The following BPTF variants were observed in gnomAD, a reference collection of about 807,000 sequenced individuals.
BPTF encodes bromodomain PHD finger transcription factor.
Under a neutral mutation model 292.5 loss-of-function variants are expected in BPTF, and 18 were observed. The observed-to-expected ratio is 0.06, with a 90% CI of 0.04 to 0.09. The LOEUF is 0.09. Among genes scored for constraint, BPTF ranks in the 10% least tolerant of loss-of-function variants. The probability of loss-of-function intolerance (pLI) is 1.00; values close to 1 mark genes in which losing one functional copy is unlikely to be tolerated. For synonymous variants in BPTF, 1,225 were observed against 1,251.9 expected, an observed-to-expected ratio of 0.98 and a Z score of 0.45; for missense variants, 2,726 against 3,498.7, an observed-to-expected ratio of 0.78 and a Z score of 5.57.
chr17:67,864,206 T>C (rs2059255219), intron 2 of BPTF, among the ~76,000 whole-genome samples: 1 of 152,220 alleles, frequency 6.6e-6, no homozygotes, highest in African/African-American at 2.4e-5. Flanking sequence ...ATAAACTGTA[T>C]ATAGGCCAAG....
At chr17:67,860,770 C>G (rs891179563) in intron 2 of BPTF, among the ~76,000 whole-genome samples, 6 of 152,202 alleles carry the variant, frequency 3.9e-5, no homozygotes, top group African/African-American at 1.2e-4. Flanking sequence ...TGTTGCCAGG[C>G]TGGTCTCGAA....
At chr17:67,964,772 G>A (rs774134546) in intron 25 of BPTF, among the ~76,000 whole-genome samples, 4 of 151,806 alleles carry the variant, frequency 2.6e-5, no homozygotes, top group Non-Finnish European at 4.4e-5. Flanking sequence ...AGGCCAAGGT[G>A]GGCGGATCAC....
intron 23 of BPTF, among the ~76,000 whole-genome samples, chr17:67,948,507 G>T (rs992822846): frequency 2.6e-5 from 4 of 152,248 alleles, no homozygotes; most frequent in East Asian, 1.9e-4. Context: ...TAGTTATATT[G>T]TATTCTCCAG....
At position 67,880,481 on chromosome 17, in the gene BPTF, C is replaced by T. The variant is rs746205715; in HGVS notation, c.1864+5461C>T. On this transcript the variant is annotated intron_variant, in intron 4 of 27. Transcript: ENST00000306378. ...CACAAACTTATTTTATTTTTAAATG[C>T]ATGACCAGAACACAACCACAAACTG... Among the ~76,000 whole-genome samples, 110 of 152,174 alleles carry T rather than the reference C, an allele frequency of 7.2e-4. 1 individual carries two copies. Among genetic ancestry groups the T allele is most frequent in the Non-Finnish European group, 1.9e-4 (13 of 68,042 alleles).
intron 9 of BPTF, among the ~76,000 whole-genome samples, chr17:67,905,568 G>T (rs2062125817): frequency 6.6e-6 from 1 of 151,838 alleles, no homozygotes; most frequent in South Asian, 2.1e-4. Context: ...AATTAGCCAG[G>T]TGTAGTGCCA....
In BPTF at chr17:67,833,103, G is replaced by A. The variant is rs114758885; in HGVS notation, c.613+6766G>A. On this transcript the variant is annotated intron_variant, in intron 1 of 27. Coordinates refer to ENST00000306378, the MANE Select transcript of BPTF (RefSeq NM_182641.4). ...TGAGCCACTGCGCCCCGCCTGATTT[G>A]CCTCTTATGGACATTTCTTATAAAG... 2.9e-3 allele frequency among the ~76,000 whole-genome samples: 441 copies of A among 151,806 alleles called. 3 individuals are homozygous for A. Among genetic ancestry groups the A allele is most frequent in the African/African-American group, 0.01 (422 of 41,346 alleles).
intron 1 of BPTF, among the ~76,000 whole-genome samples, chr17:67,828,075 G>T (rs2056276747): frequency 6.6e-6 from 1 of 151,730 alleles, no homozygotes. Context: ...GGGATTACAG[G>T]TGCCCACCAG....
chr17:67,883,001 T>TAAAAA (rs886889170), intron 4 of BPTF, among the ~76,000 whole-genome samples: 53 of 94,650 alleles, frequency 5.6e-4, no homozygotes, highest in African/African-American at 1.9e-3. Flanking sequence ...AGACGTTGTC[T>TAAAAA]AAAAAAAAAA....
intron 1 of BPTF, among the ~76,000 whole-genome samples, chr17:67,837,357 G>C (rs1339402774): frequency 6.6e-6 from 1 of 151,988 alleles, no homozygotes; most frequent in Admixed American, 6.6e-5. Flanking sequence ...GTCTGGACCA[G>C]ATTATACTCT....
chr17:67,945,909 A>G lies in BPTF; in HGVS notation c.7201A>G (p.Thr2401Ala), dbSNP rs2065775382. 1 of 1,614,026 alleles carries G rather than the reference A, an allele frequency of 6.2e-7. No homozygotes were observed. Among genetic ancestry groups the G allele is most frequent in the Non-Finnish European group, 8.5e-7 (1 of 1,180,038 alleles). Residue 2401 changes from threonine (T) to alanine (A), a missense_variant, in exon 21 of 28, where the codon ACT (threonine) becomes GCT (alanine). This residue lies in a region of BPTF where 570 missense variants were observed against 633.5 expected (regional missense o/e 0.90). Coordinates refer to ENST00000306378, the MANE Select transcript of BPTF (RefSeq NM_182641.4). ...GTCACAACCCCAGGTACAGTCTTCA[A>G]CTCAAACTCTTTCATCAGGACAAAC... ...PQSQPQVQSSTQTLSSGQTLN... is the reference protein window; with the variant it reads ...PQSQPQVQSSAQTLSSGQTLN...
In BPTF at chr17:67,881,876, T is replaced by TTC. The variant is rs1458724507; in HGVS notation, c.1864+6857_1864+6858insCT. 2.3e-5 allele frequency among the ~76,000 whole-genome samples: 3 copies of TTC among 132,630 alleles called. No individual in the cohort carries two copies. The East Asian group carries it at 6.4e-4, about 28-fold the overall frequency. The allele number at this position is 132,630 out of a possible 152,430, so 87.0% of individuals were successfully genotyped here. On this transcript the variant is annotated intron_variant, in intron 4 of 27. Transcript: ENST00000306378. Reference sequence around the variant, plus strand: ...GGTTTTTGTTTTTTTTTTTTTTTTTTTTTTTTTTGAGACAGGGTCTTGCTC... The same window carrying TTC: ...GGTTTTTGTTTTTTTTTTTTTTTTTTTCTTTTTTTTGAGACAGGGTCTTGCTC...
At position 67,928,526 on chromosome 17, in the gene BPTF, A is replaced by G; in HGVS notation, c.5923A>G (p.Thr1975Ala). 1.2e-6 allele frequency: 2 copies of G among 1,614,206 alleles called. No individual in the cohort carries two copies. Among genetic ancestry groups the G allele is most frequent in the South Asian group, 2.2e-5 (2 of 91,088 alleles). The change falls in exon 16 of 28, where the codon ACA becomes GCA. Residue 1975 changes from threonine (T) to alanine (A), a missense_variant. By Grantham distance (58) the Thr-to-Ala change is moderately conservative (BLOSUM62 0). Around this residue, in one of 22 missense-constraint regions of BPTF, gnomAD observed 198 missense variants for 277.1 expected, o/e 0.71. Transcript: ENST00000306378. ...AACTACTAAAGTTGGATCTCCAGCT[A>G]CAGTAACATTCCAACAAAACAAGAA... ...VLTTKVGSPA[T>A]VTFQQNKNFH...
chr17:67,958,683 A>G (rs1033038011), intron 23 of BPTF, among the ~76,000 whole-genome samples: 1 of 150,748 alleles, frequency 6.6e-6, no homozygotes, highest in African/African-American at 2.4e-5. Context: ...GTGCGCTGAG[A>G]TTGTGCCACT....
At chr17:67,903,943 A>G in intron 8 of BPTF, 25 bp downstream of exon 8, 1 of 1,566,226 alleles carries the variant, frequency 6.4e-7, no homozygotes, top group Non-Finnish European at 8.6e-7. Flanking sequence ...AACCCTTTAA[A>G]ATAGTGTTAG....
At chr17:67,950,690 A>G (rs2066267986) in intron 23 of BPTF, among the ~76,000 whole-genome samples, 2 of 152,000 alleles carry the variant, frequency 1.3e-5, no homozygotes, top group South Asian at 4.2e-4. Context: ...ATACAAAAAA[A>G]TTAGTCAGGC....
chr17:67,850,566 A>C (rs1293808400), intron 1 of BPTF, among the ~76,000 whole-genome samples: 2 of 152,074 alleles, frequency 1.3e-5, no homozygotes, highest in Admixed American at 6.6e-5. Context: ...ACGGGGTTTC[A>C]CCATATTGGC....
At chr17:67,964,861 T>C (rs1431851335) in intron 25 of BPTF, among the ~76,000 whole-genome samples, 1 of 150,724 alleles carries the variant, frequency 6.6e-6, no homozygotes, top group Non-Finnish European at 1.5e-5. Flanking sequence ...TAGCTGGGCG[T>C]GGTGGCGGGC....
chr17:67,856,092 A>G (rs1259598405), intron 2 of BPTF, among the ~76,000 whole-genome samples: 3 of 152,302 alleles, frequency 2.0e-5, no homozygotes, highest in African/African-American at 7.2e-5. Flanking sequence ...ATCTTGAGCT[A>G]TGATTTTATT....
Position 67,959,674 on chromosome 17 carries a change from C to T in BPTF, c.8060C>T (p.Pro2687Leu), listed in dbSNP as rs1555682962. 1.2e-6 allele frequency: 2 copies of T among 1,612,668 alleles called. No individual in the cohort carries two copies. The highest frequency in any genetic ancestry group is 2.2e-5 in the East Asian group (1 of 44,808). Residue 2687 changes from proline (P) to leucine (L), a missense_variant, in exon 24 of 28, where the codon CCT becomes CTT. This residue lies in a region of BPTF where 148 missense variants were observed against 145.5 expected (regional missense o/e 1.02). Transcript: ENST00000306378. ...PPAPPAPPPS[P>L]PPPPAVQHTG... ...GCCCCTCCAGCCCCTCCACCTTCAC[C>T]TCCCCCTCCACCTGCTGTGCAACAC...
Sources: allele counts gnomAD v4.1 joint callset (sites outside exome capture counted in the v4.1 genomes callset), GRCh38; gene constraint gnomAD v4.1.1; regional missense constraint gnomAD v4.1.1; transcripts MANE v1.5; gene names NCBI Gene and HGNC (gene_info 2026-07-23, HGNC 2026-07-21).